GFRA3: variants seen among roughly 807,000 people sequenced by gnomAD.
GFRA3 encodes the protein GDNF family receptor alpha-3.
Under a neutral mutation model 40.0 loss-of-function variants are expected in GFRA3, and 24 were observed. The observed-to-expected ratio is 0.60, with a 90% CI of 0.43 to 0.84. GFRA3 has a LOEUF of 0.84. Ranked by LOEUF, GFRA3 falls within the 40% of genes least tolerant of loss-of-function variation. The pLI, the probability that GFRA3 is intolerant of heterozygous loss-of-function variation, is 0.00. For synonymous variants in GFRA3, 203 were observed against 213.5 expected (o/e 0.95, Z 0.43); for missense variants, 405 against 530.6 (o/e 0.76, Z 2.33).
chr5:138,273,059 G>T (rs955637720), intron 1 of GFRA3, among the ~76,000 whole-genome samples: 1 of 152,150 alleles, frequency 6.6e-6, no homozygotes, highest in Non-Finnish European at 1.5e-5. Context: ...AGCAAGTCAA[G>T]ACCGAGTCAA....
intron 2 of GFRA3, among the ~76,000 whole-genome samples, chr5:138,263,645 T>G (rs11242417): frequency 0.13 from 19,130 of 152,226 alleles, 1,499 homozygotes; most frequent in Non-Finnish European, 0.17. Context: ...GGCTGCACCT[T>G]GAGCCTGGAT....
chr5:138,252,934 T>A lies in GFRA3; in HGVS notation c.*34A>T, dbSNP rs749652039. 1.3e-4 allele frequency: 147 copies of A among 1,140,112 alleles called. No homozygotes were observed. In the East Asian group the frequency reaches 3.4e-3, roughly 27 times the overall value. 70.6% of individuals were successfully genotyped at this position (1,140,112 alleles called of 1,614,324 possible). On this transcript the variant is annotated 3_prime_UTR_variant, in exon 8 of 8. Transcript: ENST00000274721. ...TGTGGGCTGCAAGTCCACCTGGGTG[T>A]GGTGGAGGGGAAGAGGGCCCTGGGG...
intron 1 of GFRA3, among the ~76,000 whole-genome samples, chr5:138,271,843 G>C (rs1464860981): frequency 6.9e-6 from 1 of 143,934 alleles, no homozygotes; most frequent in Non-Finnish European, 1.5e-5. Context: ...CTCCCAAAAT[G>C]CTGGGATTAT....
intron 4 of GFRA3, among the ~76,000 whole-genome samples, chr5:138,256,300 G>A (rs1488953220): frequency 2.0e-5 from 3 of 150,156 alleles, no homozygotes; most frequent in Admixed American, 6.7e-5. Context: ...AGGCTGAGGC[G>A]GGCGGATCAC....
chr5:138,264,121 C>A (rs1467593267), intron 2 of GFRA3, 140 bp downstream of exon 2: 3 of 712,104 alleles, frequency 4.2e-6, no homozygotes, highest in Non-Finnish European at 6.9e-6. Flanking sequence ...ACTATCCCTC[C>A]ACCTTTCCTG....
At position 138,268,284 on chromosome 5, in the gene GFRA3, G is replaced by GAAAAAAAAA. The variant is rs60958894; in HGVS notation, c.92-3745_92-3737dup. Among the ~76,000 whole-genome samples the GAAAAAAAAA allele has an allele frequency of 8.9e-3, 294 of 33,110 alleles. 45 individuals carry two copies. Among genetic ancestry groups the GAAAAAAAAA allele is most frequent in the Admixed American group, 0.044 (72 of 1,630 alleles). 21.7% of individuals were successfully genotyped at this position (33,110 alleles called of 152,430 possible). A position where few individuals can be genotyped will look rare whatever the true frequency, so the allele number is the denominator to read the frequency against. On this transcript the variant is annotated intron_variant, in intron 1 of 7. Transcript: ENST00000274721. ...TGGGCAGCAGGGTGAGACTCCATCT[G>GAAAAAAAAA]AAAAAAAAAAAAAAAAAGAAATCTA...
chr5:138,268,260 G>A (rs1450879158), intron 1 of GFRA3, among the ~76,000 whole-genome samples: 1 of 120,646 alleles, frequency 8.3e-6, no homozygotes, highest in South Asian at 2.7e-4. Flanking sequence ...ACTCCAGCCT[G>A]GGCAGCAGGG....
At chr5:138,260,420 C>T (rs1309021605) in intron 2 of GFRA3, among the ~76,000 whole-genome samples, 1 of 152,156 alleles carries the variant, frequency 6.6e-6, no homozygotes, top group Non-Finnish European at 1.5e-5. Context: ...TGTTGAAAGC[C>T]AGAGATTTGG....
At chr5:138,261,223 T>C (rs1755705152) in intron 2 of GFRA3, among the ~76,000 whole-genome samples, 1 of 152,152 alleles carries the variant, frequency 6.6e-6, no homozygotes, top group African/African-American at 2.4e-5. Context: ...GGGAAGATTA[T>C]ATGCTGAATG....
At position 138,253,028 on chromosome 5, in the gene GFRA3, G is replaced by A. The variant is rs1448702074; in HGVS notation, c.1143C>T (p.Pro381=). 2.5e-6 allele frequency: 4 copies of A among 1,605,898 alleles called. No homozygotes were observed. Among genetic ancestry groups the A allele is most frequent in the Non-Finnish European group, 3.4e-6 (4 of 1,172,824 alleles). ...QNENPAVRPQ[P]WVPSLFSCTL... is the part of the protein sequence containing the mutation. ...TGCAGGAGAAAAGAGAGGGCACCCA[G>A]GGCTGTGGCCTCACAGCAGGGTTTT... The change falls in exon 8 of 8, where the codon CCC becomes CCT. Residue 381 remains proline (P), a synonymous_variant. Coordinates refer to ENST00000274721, the MANE Select transcript of GFRA3 (RefSeq NM_001496.4).
At chr5:138,256,667 G>A (rs778811644) in intron 4 of GFRA3, among the ~76,000 whole-genome samples, 8 of 151,710 alleles carry the variant, frequency 5.3e-5, no homozygotes, top group Non-Finnish European at 8.8e-5. Flanking sequence ...TCAAGTTCTT[G>A]GCTGGGTGTG....
intron 4 of GFRA3, among the ~76,000 whole-genome samples, chr5:138,256,122 T>C (rs112298738): frequency 0.023 from 3,505 of 151,324 alleles, 73 homozygotes; most frequent in Middle Eastern, 0.037. Context: ...TCCCAGCTAC[T>C]TGGGAGGCTG....
At position 138,254,117 on chromosome 5, in the gene GFRA3, T is replaced by C. The variant is rs1755592415; in HGVS notation, c.829A>G (p.Ile277Val). 1.9e-6 allele frequency: 3 copies of C among 1,609,686 alleles called. No individual in the cohort carries two copies. The highest frequency in any genetic ancestry group is 2.6e-6 in the Non-Finnish European group (3 of 1,176,236). Residue 277 changes from isoleucine to valine, a missense_variant, in exon 5 of 8, where the codon ATC (isoleucine) becomes GTC (valine). Coordinates refer to ENST00000274721, the MANE Select transcript of GFRA3 (RefSeq NM_001496.4). ...TGCTCTGTTGCACAAGTTCCTAGGA[T>C]GTCCATGGGATGGCAGTGGGTCTGG... ...DFQTHCHPMD[I>V]LGTCATEQSR...
chr5:138,268,931 A>G (rs1197773390), intron 1 of GFRA3, among the ~76,000 whole-genome samples: 2 of 151,594 alleles, frequency 1.3e-5, no homozygotes, highest in Non-Finnish European at 2.9e-5. Context: ...TCTCAAAAAA[A>G]AAAAAAAAGA....
intron 4 of GFRA3, among the ~76,000 whole-genome samples, chr5:138,254,526 C>A (rs1175524862): frequency 1.3e-5 from 2 of 152,102 alleles, no homozygotes; most frequent in African/African-American, 2.4e-5. Flanking sequence ...CAGCCTGCAG[C>A]CTTCTCCCTC....
In GFRA3 at chr5:138,252,619, A is replaced by G. The variant is rs972305518; in HGVS notation, c.*349T>C. 5.3e-6 allele frequency: 1 copy of G among 189,736 alleles called. No individual in the cohort carries two copies. The highest frequency in any genetic ancestry group is 2.4e-5 in the African/African-American group (1 of 42,440). 11.8% of individuals were successfully genotyped at this position (189,736 alleles called of 1,614,324 possible). On this transcript the variant is annotated 3_prime_UTR_variant, in exon 8 of 8. Coordinates refer to ENST00000274721, the MANE Select transcript of GFRA3 (RefSeq NM_001496.4). ...TGCCTCAGAACACCCAGTCCTCCCT[A>G]CCCTAACCCTAATCTGGAATGCAAT...
chr5:138,254,260 T>A, intron 4 of GFRA3, 100 bp from the exon 5 acceptor site: 2 of 712,954 alleles, frequency 2.8e-6, no homozygotes, highest in Non-Finnish European at 5.0e-6. Context: ...CAATCTTGGC[T>A]CACTGCAACC....
intron 2 of GFRA3, among the ~76,000 whole-genome samples, chr5:138,260,101 C>G: frequency 6.6e-6 from 1 of 152,040 alleles, no homozygotes; most frequent in East Asian, 1.9e-4. Flanking sequence ...GTTCCCCACC[C>G]CTTGGGAGGA....
In GFRA3 at chr5:138,274,491, C is replaced by T; in HGVS notation, c.-67G>A. 3 of 1,244,008 alleles carry T rather than the reference C, an allele frequency of 2.4e-6. No homozygotes were observed. Among genetic ancestry groups the T allele is most frequent in the Non-Finnish European group, 3.0e-6 (3 of 993,222 alleles). 77.1% of individuals were successfully genotyped at this position (1,244,008 alleles called of 1,614,324 possible). A position where few individuals can be genotyped will look rare whatever the true frequency, so the allele number is the denominator to read the frequency against. On this transcript the variant is annotated 5_prime_UTR_variant, in exon 1 of 8. Coordinates refer to ENST00000274721, the MANE Select transcript of GFRA3 (RefSeq NM_001496.4). ...CCCCTGGAGCTCTGAGAGCGGGGCT[C>T]CCTCGACCGGCACCTCCCGCCCCCG...
Sources: gnomAD v4.1 joint callset for allele counts (sites outside exome capture counted in the v4.1 genomes callset) on GRCh38, gnomAD v4.1.1 for gene constraint, MANE v1.5 for transcripts, NCBI Gene and HGNC (gene_info 2026-07-23, HGNC 2026-07-21) for gene names.